Variants in VPS37C observed in about 807,000 individuals in gnomAD.
The protein encoded by VPS37C is vacuolar protein sorting-associated protein 37C.
VPS37C carries 9 observed loss-of-function variants against 16.1 expected under a neutral mutation model. The observed-to-expected ratio is 0.56, with a 90% CI of 0.34 to 0.97. The LOEUF is 0.97. Ranked by LOEUF, VPS37C falls within the 50% of genes least tolerant of loss-of-function variation. The pLI is 0.02. For missense variants in VPS37C, 479 were observed against 472.7 expected, an observed-to-expected ratio of 1.01 and a Z score of -0.12; for synonymous variants, 207 against 206.4, an observed-to-expected ratio of 1.00 and a Z score of -0.02.
At chr11:61,136,398 TC>T (rs1861375373) in intron 2 of VPS37C, among the ~76,000 whole-genome samples, 1 of 152,114 alleles carries the variant, frequency 6.6e-6, no homozygotes, top group Admixed American at 6.5e-5. Context: ...GCTCTCGAAC[TC>T]CTGACCTCAG....
chr11:61,130,268 A>G lies in VPS37C; in HGVS notation c.*1552T>C, dbSNP rs911169910. 4.6e-5 allele frequency: 7 copies of G among 152,864 alleles called. No individual in the cohort carries two copies. Among genetic ancestry groups the G allele is most frequent in the African/African-American group, 1.7e-4 (7 of 41,466 alleles). 9.5% of individuals were successfully genotyped at this position (152,864 alleles called of 1,614,324 possible). On this transcript the variant is annotated 3_prime_UTR_variant, in exon 5 of 5. Transcript: ENST00000301765. ...AACACCACACCACATGTGACTCATC[A>G]AAGTTTATTATGGCAATTAATTACA...
At chr11:61,159,950 G>A (rs1853443814) in intron 1 of VPS37C, among the ~76,000 whole-genome samples, 1 of 150,304 alleles carries the variant, frequency 6.7e-6, no homozygotes, top group South Asian at 2.1e-4. Flanking sequence ...CCACTTACTG[G>A]CTGTGTGACA....
In VPS37C at chr11:61,132,771, T is replaced by C. The variant is rs1861295566; in HGVS notation, c.349-232A>G. The C allele has an allele frequency of 9.5e-6, 6 of 634,354 alleles. No homozygotes were observed. The Admixed American group carries it at 1.3e-4, about 13-fold the overall frequency. The allele number at this position is 634,354 out of a possible 1,614,324, so 39.3% of individuals were successfully genotyped here. On this transcript the variant is annotated intron_variant, in intron 4 of 4. Coordinates refer to ENST00000301765, the MANE Select transcript of VPS37C (RefSeq NM_017966.5). ...GGACTGTCTCTGTCGTGGTCACCTC[T>C]GTCCTGGCACCTTGGCATCATGCCA...
Position 61,132,318 on chromosome 11 carries a change from A to C in VPS37C, c.570T>G (p.Val190=). The C allele has an allele frequency of 6.3e-7, 1 of 1,590,430 alleles. No individual in the cohort carries two copies. The highest frequency in any genetic ancestry group is 8.6e-7 in the Non-Finnish European group (1 of 1,166,274). ...CTAATGGTGGCTGCGGCTGCTCTTC[A>C]ACCACAGGGGGTGTTCCCTGGGGGA... ...RPVPQGTPPV[V]EEQPQPPLAM... Residue 190 remains valine, a synonymous_variant, in exon 5 of 5, where the codon GTT becomes GTG. Transcript: ENST00000301765.
At chr11:61,153,841 C>T (rs1174720501) in intron 1 of VPS37C, among the ~76,000 whole-genome samples, 1 of 152,206 alleles carries the variant, frequency 6.6e-6, no homozygotes, top group Non-Finnish European at 1.5e-5. Context: ...GAGGGTCCCC[C>T]TCCAGTTCTC....
chr11:61,134,735 T>C (rs1040860666), intron 2 of VPS37C, among the ~76,000 whole-genome samples: 6 of 152,226 alleles, frequency 3.9e-5, no homozygotes, highest in Non-Finnish European at 8.8e-5. Flanking sequence ...ACCATGCCAC[T>C]GACTTAGGAG....
intron 1 of VPS37C, among the ~76,000 whole-genome samples, chr11:61,139,446 GAAAA>G (rs34025392): frequency 3.4e-5 from 5 of 148,002 alleles, no homozygotes; most frequent in African/African-American, 1.2e-4. Flanking sequence ...ATAGAAGCAG[GAAAA>G]AAAAAAAAAT....
intron 1 of VPS37C, among the ~76,000 whole-genome samples, chr11:61,151,222 A>G (rs1853294095): frequency 1.3e-5 from 2 of 152,202 alleles, no homozygotes; most frequent in African/African-American, 2.4e-5. Context: ...ATCGGTACGG[A>G]TATCTTCAAC....
chr11:61,150,707 G>A (rs1853285092), intron 1 of VPS37C, among the ~76,000 whole-genome samples: 1 of 151,694 alleles, frequency 6.6e-6, no homozygotes, highest in Non-Finnish European at 1.5e-5. Context: ...TGAGACCACC[G>A]CCCTAACCCC....
intron 4 of VPS37C, 70 bp downstream of exon 4, chr11:61,133,185 C>T: frequency 6.5e-7 from 1 of 1,533,908 alleles, no homozygotes; most frequent in Non-Finnish European, 9.0e-7. Flanking sequence ...TCTGCTTCTC[C>T]TTCCAAGGGC....
rs772991189 is a variant in VPS37C at position 61,132,398 on chromosome 11, G to T, written c.490C>A (p.Gln164Lys). ...QEVVRKPRASQELAGDAPPPR... is the reference protein window; with the variant it reads ...QEVVRKPRASKELAGDAPPPR... The stretch of plus-strand genomic sequence containing the variant: ...GGAGGGGCATCGCCGGCCAGCTCCT[G>T]GGAAGCCCTGGGCTTCCTCACCACT... Residue 164 changes from glutamine (Q) to lysine (K), a missense_variant, in exon 5 of 5, where the codon CAG becomes AAG. Physicochemically the swap from Gln to Lys is moderately conservative, Grantham distance 53. Transcript: ENST00000301765. The T allele has an allele frequency of 6.2e-7, 1 of 1,606,068 alleles. No homozygotes were observed. Among genetic ancestry groups the T allele is most frequent in the East Asian group, 2.2e-5 (1 of 44,588 alleles).
intron 1 of VPS37C, among the ~76,000 whole-genome samples, chr11:61,142,752 TGAAACACACTTTGA>T (rs1861492677): frequency 1.5e-5 from 2 of 131,242 alleles, no homozygotes; most frequent in Admixed American, 9.5e-5. Flanking sequence ...GGAGTCCCCC[TGAAACACACTTTGA>T]GAGCCACTGG....
intron 4 of VPS37C, chr11:61,132,958 G>C (rs1861300039): frequency 1.8e-6 from 1 of 547,974 alleles, no homozygotes; most frequent in Non-Finnish European, 3.3e-6. Context: ...GAAGCAGGGA[G>C]AGTGGAGTAG....
chr11:61,138,399 G>A, intron 2 of VPS37C: 1 of 240,720 alleles, frequency 4.2e-6, no homozygotes, highest in Non-Finnish European at 8.3e-6. Context: ...TGGAGATATG[G>A]GATCGCACAA....
chr11:61,152,006 ATC>A (rs1853304752), intron 1 of VPS37C, among the ~76,000 whole-genome samples: 1 of 152,182 alleles, frequency 6.6e-6, no homozygotes, highest in Non-Finnish European at 1.5e-5. Context: ...AAGGATTTCA[ATC>A]TGCAGCTGTC....
chr11:61,136,320 C>T (rs997862216), intron 2 of VPS37C, among the ~76,000 whole-genome samples: 25 of 151,938 alleles, frequency 1.6e-4, no homozygotes, highest in Admixed American at 9.2e-4. Context: ...ACTACAGGCA[C>T]GTGCCACCAC....
At position 61,131,742 on chromosome 11, in the gene VPS37C, C is replaced by G; in HGVS notation, c.*78G>C. On this transcript the variant is annotated 3_prime_UTR_variant, in exon 5 of 5. Coordinates refer to ENST00000301765, the MANE Select transcript of VPS37C (RefSeq NM_017966.5). ...GAGCACCAACGCCACTTCCAGTTGACCCTCGAATCTCGGCGATGGCTGGGC... is the reference window on the plus strand; with the variant it reads ...GAGCACCAACGCCACTTCCAGTTGAGCCTCGAATCTCGGCGATGGCTGGGC... 8.1e-7 allele frequency: 1 copy of G among 1,233,804 alleles called. No homozygotes were observed. The highest frequency in any genetic ancestry group is 1.0e-6 in the Non-Finnish European group (1 of 988,648). 76.4% of individuals were successfully genotyped at this position (1,233,804 alleles called of 1,614,324 possible). A position where few individuals can be genotyped will look rare whatever the true frequency, so the allele number is the denominator to read the frequency against.
At position 61,136,598 on chromosome 11, in the gene VPS37C, G is replaced by A. The variant is rs1024190310; in HGVS notation, c.93+2139C>T. Among the ~76,000 whole-genome samples the A allele has an allele frequency of 2.8e-5, 3 of 105,930 alleles. No homozygotes were observed. In the Admixed American group the frequency reaches 3.0e-4, roughly 11 times the overall value. 69.5% of individuals were successfully genotyped at this position (105,930 alleles called of 152,430 possible). ...AGGGGTTCAGTGTGAAGTCCTCCCA[G>A]TCACTGAAAAGAGGTAAGACTAAAA... is the stretch of plus-strand genomic sequence containing the variant. On this transcript the variant is annotated intron_variant, in intron 2 of 4. Coordinates refer to ENST00000301765, the MANE Select transcript of VPS37C (RefSeq NM_017966.5).
At chr11:61,154,319 T>C (rs1184757652) in intron 1 of VPS37C, among the ~76,000 whole-genome samples, 1 of 152,198 alleles carries the variant, frequency 6.6e-6, no homozygotes, top group African/African-American at 2.4e-5. Context: ...CCTAAAACTA[T>C]ATTCCATATG....
Sources: allele counts gnomAD v4.1 joint callset (sites outside exome capture counted in the v4.1 genomes callset), GRCh38; gene constraint gnomAD v4.1.1; transcripts MANE v1.5; gene names NCBI Gene and HGNC (gene_info 2026-07-23, HGNC 2026-07-21).